The following ATP6V0D1 variants were observed in gnomAD, a reference collection of about 807,000 sequenced individuals.
ATP6V0D1 encodes V-type proton ATPase subunit d 1.
Under a neutral mutation model 39.0 loss-of-function variants are expected in ATP6V0D1, and 13 were observed. The ratio of observed to expected loss-of-function variants is 0.33; its 90% CI spans 0.22 to 0.53. The LOEUF is 0.53. Ranked by LOEUF, ATP6V0D1 falls within the 20% of genes least tolerant of loss-of-function variation. ATP6V0D1 has a pLI of 0.94. For synonymous variants in ATP6V0D1, 191 were observed against 191.2 expected, an observed-to-expected ratio of 1.00 and a Z score of 0.01; for missense variants, 272 against 470.9, an observed-to-expected ratio of 0.58 and a Z score of 3.91.
chr16:67,459,349 G>A, intron 1 of ATP6V0D1: 1 of 801,636 alleles, frequency 1.2e-6, no homozygotes, highest in South Asian at 5.7e-5. Context: ...GGTTGCCTGT[G>A]TCAAGGACCA....
At chr16:67,449,340 A>G (rs2041151894) in intron 2 of ATP6V0D1, among the ~76,000 whole-genome samples, 1 of 152,228 alleles carries the variant, frequency 6.6e-6, no homozygotes, top group African/African-American at 2.4e-5. Context: ...CAAGTCTCTC[A>G]GCATGTCTTC....
rs2041006842 is a variant in ATP6V0D1, at chr16:67,438,694, G to A, written c.895-5C>T. 1 of 1,614,214 alleles carries A rather than the reference G, an allele frequency of 6.2e-7. No individual in the cohort carries two copies. The highest frequency in any genetic ancestry group is 1.7e-5 in the Admixed American group (1 of 60,022). On this transcript the variant is annotated splice_polypyrimidine_tract_variant and splice_region_variant and intron_variant, in intron 7 of 7. Transcript: ENST00000290949. ...GGCCAACTTGTTCAGCTTTACCTGTGGACACGGGCAGATGTGGTGTCCAGG... is the reference window on the plus strand; with the variant it reads ...GGCCAACTTGTTCAGCTTTACCTGTAGACACGGGCAGATGTGGTGTCCAGG...
At chr16:67,439,390 A>G in intron 4 of ATP6V0D1, 39 bp from the exon 5 acceptor site, 1 of 1,600,446 alleles carries the variant, frequency 6.2e-7, no homozygotes, top group Non-Finnish European at 8.6e-7. Flanking sequence ...CAGGCAAGGA[A>G]GCTCTGGAGG....
Position 67,438,681 on chromosome 16 carries a change from C to T in ATP6V0D1, c.903G>A (p.Leu301=), listed in dbSNP as rs1163835394. The change falls in exon 8 of 8, where the codon CTG becomes CTA. Residue 301 remains leucine, a synonymous_variant. Transcript: ENST00000290949. Reference sequence around the variant, plus strand: ...ACTGGTTCAGGAAGGCCAACTTGTTCAGCTTTACCTGTGGACACGGGCAGA... The same window carrying T: ...ACTGGTTCAGGAAGGCCAACTTGTTTAGCTTTACCTGTGGACACGGGCAGA... ...EDRFFEHEVK[L]NKLAFLNQFH... 1 of 1,614,116 alleles carries T rather than the reference C, an allele frequency of 6.2e-7. No homozygotes were observed. Among genetic ancestry groups the T allele is most frequent in the Non-Finnish European group, 8.5e-7 (1 of 1,180,048 alleles).
chr16:67,478,603 G>C (rs891963017), intron 1 of ATP6V0D1, among the ~76,000 whole-genome samples: 5 of 140,230 alleles, frequency 3.6e-5, no homozygotes, highest in African/African-American at 1.3e-4. Flanking sequence ...GACAGGGCTA[G>C]ACTCTGTCTC....
chr16:67,459,221 G>A (rs568853083), intron 1 of ATP6V0D1: 2 of 985,486 alleles, frequency 2.0e-6, no homozygotes, highest in South Asian at 9.4e-5. Flanking sequence ...TTGAAGTGCA[G>A]GAAATAGTGC....
intron 1 of ATP6V0D1, among the ~76,000 whole-genome samples, chr16:67,472,778 G>A (rs916609198): frequency 8.5e-5 from 13 of 152,142 alleles, no homozygotes; most frequent in Admixed American, 4.6e-4. Flanking sequence ...GCTGAGGCAG[G>A]AGAATGGCGT....
chr16:67,438,931 C>T, intron 6 of ATP6V0D1, 40 bp downstream of exon 6: 1 of 1,613,436 alleles, frequency 6.2e-7, no homozygotes, highest in Non-Finnish European at 8.5e-7. Flanking sequence ...TGCTTGGTGA[C>T]AACACATCCA....
At chr16:67,452,994 C>G (rs1597574781) in intron 2 of ATP6V0D1, among the ~76,000 whole-genome samples, 1 of 152,326 alleles carries the variant, frequency 6.6e-6, no homozygotes, top group Admixed American at 6.5e-5. Context: ...GCTAGACGTT[C>G]AGCCTGCCCC....
chr16:67,477,234 T>C (rs552010633), intron 1 of ATP6V0D1, among the ~76,000 whole-genome samples: 1 of 152,172 alleles, frequency 6.6e-6, no homozygotes, highest in Non-Finnish European at 1.5e-5. Flanking sequence ...AATCAAGTGA[T>C]CTAACTTCAA....
chr16:67,480,871 C>G (rs997018118), intron 1 of ATP6V0D1, 86 bp downstream of exon 1: 1 of 1,542,958 alleles, frequency 6.5e-7, no homozygotes, highest in African/African-American at 1.4e-5. Flanking sequence ...CCCTTCAAGA[C>G]CCCCCCTTCC....
rs190155204 is a variant in ATP6V0D1, at chr16:67,479,078, C to T, written c.130+1879G>A. On this transcript the variant is annotated intron_variant, in intron 1 of 7. Coordinates refer to ENST00000290949, the MANE Select transcript of ATP6V0D1 (RefSeq NM_004691.5). The stretch of plus-strand genomic sequence containing the variant: ...CCCTTTTTACCACAGTAAGGGTAAT[C>T]GGTTGCTGGCAGATGCCTACTACCC... 1.8e-4 allele frequency among the ~76,000 whole-genome samples: 27 copies of T among 152,284 alleles called. No individual in the cohort carries two copies. In the East Asian group the frequency reaches 3.5e-3, roughly 20 times the overall value.
chr16:67,454,677 G>C (rs1307150492), intron 1 of ATP6V0D1: 1 of 152,006 alleles, frequency 6.6e-6, no homozygotes, highest in South Asian at 2.1e-4. Flanking sequence ...CTACAGGCAT[G>C]TGCCAGCCAG....
At chr16:67,446,975 A>G (rs1328751569) in intron 2 of ATP6V0D1, among the ~76,000 whole-genome samples, 1 of 152,032 alleles carries the variant, frequency 6.6e-6, no homozygotes, top group Non-Finnish European at 1.5e-5. Context: ...CCCCATGGCC[A>G]ATGTCCACAC....
chr16:67,459,919 C>T (rs2041276011), intron 1 of ATP6V0D1, among the ~76,000 whole-genome samples: 1 of 152,254 alleles, frequency 6.6e-6, no homozygotes. Context: ...CCCATGGCCT[C>T]ATGGCCGGCC....
At position 67,458,415 on chromosome 16, in the gene ATP6V0D1, G is replaced by C. The variant is rs542541249; in HGVS notation, c.131-4700C>G. ...TCTGAGGGCAGCCAAGGACGGCAGGGGCTCTGGGAAGCCAGGGGCTAGTTC... is the reference window on the plus strand; with the variant it reads ...TCTGAGGGCAGCCAAGGACGGCAGGCGCTCTGGGAAGCCAGGGGCTAGTTC... On this transcript the variant is annotated intron_variant, in intron 1 of 7. Coordinates refer to ENST00000290949, the MANE Select transcript of ATP6V0D1 (RefSeq NM_004691.5). Among the ~76,000 whole-genome samples the C allele has an allele frequency of 7.2e-5, 11 of 152,200 alleles. No individual in the cohort carries two copies. The South Asian group carries it at 2.3e-3, about 31-fold the overall frequency.
intron 4 of ATP6V0D1, chr16:67,440,698 G>A (rs1391584394): frequency 1.3e-5 from 2 of 152,256 alleles, no homozygotes; most frequent in Non-Finnish European, 2.9e-5. Context: ...ATGAGACCCA[G>A]GAGTCTGTGA....
chr16:67,443,037 A>G, intron 4 of ATP6V0D1, 62 bp downstream of exon 4: 1 of 1,560,922 alleles, frequency 6.4e-7, no homozygotes, highest in Non-Finnish European at 8.8e-7. Context: ...TCACCACCCT[A>G]CCACTTCCCA....
chr16:67,453,483 C>T lies in ATP6V0D1; in HGVS notation c.302+61G>A, dbSNP rs2041204448. Reference sequence around the variant, plus strand: ...CTAGCCTAAGCCACACTGAACCCAGCTCCTGCAGGTGTAGCTATCCTGCCC... The same window carrying T: ...CTAGCCTAAGCCACACTGAACCCAGTTCCTGCAGGTGTAGCTATCCTGCCC... On this transcript the variant is annotated intron_variant, in intron 2 of 7. Coordinates refer to ENST00000290949, the MANE Select transcript of ATP6V0D1 (RefSeq NM_004691.5). The surrounding 1 kb of genome is among the most constrained non-coding windows in gnomAD (Gnocchi z 4.1). 6.3e-7 allele frequency: 1 copy of T among 1,586,492 alleles called. No individual in the cohort carries two copies. The highest frequency in any genetic ancestry group is 8.6e-7 in the Non-Finnish European group (1 of 1,162,364).
Sources: gnomAD v4.1 joint callset for allele counts (sites outside exome capture counted in the v4.1 genomes callset) on GRCh38, gnomAD v4.1.1 for gene constraint, Gnocchi (gnomAD v3.1) non-coding constraint, MANE v1.5 for transcripts, NCBI Gene and HGNC (gene_info 2026-07-23, HGNC 2026-07-21) for gene names.